Variants in ACVR1B observed in about 807,000 individuals in gnomAD.
ACVR1B encodes activin A receptor type 1B.
Under a neutral mutation model 55.6 loss-of-function variants are expected in ACVR1B, and 15 were observed. The ratio of observed to expected loss-of-function variants is 0.27; its 90% CI spans 0.18 to 0.42. The LOEUF (loss-of-function observed/expected upper bound fraction) is 0.42, where lower values mean the gene tolerates loss of function less well. Among genes scored for constraint, ACVR1B ranks in the 10% least tolerant of loss-of-function variants. The probability of loss-of-function intolerance (pLI) is 1.00; values close to 1 mark genes in which losing one functional copy is unlikely to be tolerated. For missense variants in ACVR1B, 359 were observed against 670.1 expected, an observed-to-expected ratio of 0.54 and a Z score of 5.13; for synonymous variants, 247 against 254.6, an observed-to-expected ratio of 0.97 and a Z score of 0.28.
At chr12:51,985,134 T>C (rs538631382) in intron 5 of ACVR1B, 58 bp from the exon 6 acceptor site, 1 of 1,535,148 alleles carries the variant, frequency 6.5e-7, no homozygotes, top group Non-Finnish European at 8.8e-7. Context: ...CTGCATAGTC[T>C]ATGCTTTTAA....
intron 1 of ACVR1B, among the ~76,000 whole-genome samples, chr12:51,969,655 A>G (rs1257336061): frequency 6.6e-6 from 1 of 152,198 alleles, no homozygotes; most frequent in Non-Finnish European, 1.5e-5. Context: ...ACTTTGAAAG[A>G]CCCTAATAAA....
chr12:51,970,250 G>T (rs1941721519), intron 1 of ACVR1B, among the ~76,000 whole-genome samples: 1 of 152,184 alleles, frequency 6.6e-6, no homozygotes, highest in Non-Finnish European at 1.5e-5. Context: ...GAAAGAGCGT[G>T]GTAGAATGCT....
intron 6 of ACVR1B, among the ~76,000 whole-genome samples, chr12:51,986,551 C>T (rs929513129): frequency 1.2e-4 from 19 of 152,224 alleles, no homozygotes; most frequent in African/African-American, 3.9e-4. Flanking sequence ...TGAGCCACCG[C>T]ACCTGGCCAA....
rs749385229 is a variant in ACVR1B, at chr12:51,951,828, G to A, written c.85G>A (p.Val29Ile). ...CAGCGGCGGGTCCGGGCCCCGGGGG[G>A]TCCAGGGTGAGTCCTGGGACGGGGG... ...AGSGGSGPRG[V>I]QALLCACTSC... Residue 29 changes from valine to isoleucine, a missense_variant, in exon 1 of 9, where the codon GTC becomes ATC. By Grantham distance (29) the Val-to-Ile change is conservative (BLOSUM62 3). This residue lies in a region of ACVR1B where 48 missense variants were observed against 40.6 expected (regional missense o/e 1.18). Coordinates refer to ENST00000257963, the MANE Select transcript of ACVR1B (RefSeq NM_004302.5). The A allele has an allele frequency of 3.9e-6, 5 of 1,276,106 alleles. No homozygotes were observed. The highest frequency in any genetic ancestry group is 7.2e-5 in the South Asian group (2 of 27,758). The allele number at this position is 1,276,106 out of a possible 1,614,324, so 79.0% of individuals were successfully genotyped here. A position where few individuals can be genotyped will look rare whatever the true frequency, so the allele number is the denominator to read the frequency against.
intron 1 of ACVR1B, among the ~76,000 whole-genome samples, chr12:51,964,678 A>T (rs1442544967): frequency 2.0e-5 from 3 of 152,184 alleles, no homozygotes; most frequent in African/African-American, 7.2e-5. Context: ...ATTCTTTCGC[A>T]TGTGGTTATC....
intron 1 of ACVR1B, among the ~76,000 whole-genome samples, chr12:51,957,151 C>T (rs1022124139): frequency 1.3e-5 from 2 of 151,738 alleles, no homozygotes; most frequent in Admixed American, 6.6e-5. Flanking sequence ...CTGTATAGTA[C>T]GAGAGTGTAT....
intron 3 of ACVR1B, 54 bp downstream of exon 3, chr12:51,976,629 G>A: frequency 1.2e-6 from 2 of 1,601,478 alleles, no homozygotes; most frequent in South Asian, 1.1e-5. Context: ...CAGTTTCCCA[G>A]CAGGATAGAG....
chr12:51,977,494 G>A (rs1941884268), intron 3 of ACVR1B, among the ~76,000 whole-genome samples: 1 of 151,662 alleles, frequency 6.6e-6, no homozygotes, highest in Non-Finnish European at 1.5e-5. Context: ...ACAAGGTTTC[G>A]CCACATCAGT....
intron 7 of ACVR1B, among the ~76,000 whole-genome samples, chr12:51,988,151 A>T (rs1592261197): frequency 6.6e-6 from 1 of 152,310 alleles, no homozygotes; most frequent in East Asian, 1.9e-4. Flanking sequence ...TGTACCTCTT[A>T]AATTTTGATC....
rs181844867 is a variant in ACVR1B at position 51,965,990 on chromosome 12, G to A, written c.92-9275G>A. ...GAATCTGTGTAGCTAATGGTGTTGG[G>A]TTGAGGAGGGGAGTGTGGAGATAGA... is the stretch of plus-strand genomic sequence containing the variant. On this transcript the variant is annotated intron_variant, in intron 1 of 8. Coordinates refer to ENST00000257963, the MANE Select transcript of ACVR1B (RefSeq NM_004302.5). Among the ~76,000 whole-genome samples the A allele has an allele frequency of 2.4e-3, 361 of 152,224 alleles. 1 individual carries two copies. The highest frequency in any genetic ancestry group is 7.7e-3 in the African/African-American group (319 of 41,520).
chr12:51,966,100 A>G (rs756445609), intron 1 of ACVR1B, among the ~76,000 whole-genome samples: 1 of 152,204 alleles, frequency 6.6e-6, no homozygotes, highest in Non-Finnish European at 1.5e-5. Flanking sequence ...AATTAACATC[A>G]CAAAAAGAGA....
In ACVR1B at chr12:51,975,356, G is replaced by A. The variant is rs1440217674; in HGVS notation, c.183G>A (p.Gly61=). 3 of 1,614,202 alleles carry A rather than the reference G, an allele frequency of 1.9e-6. No homozygotes were observed. The highest frequency in any genetic ancestry group is 2.5e-6 in the Non-Finnish European group (3 of 1,180,040). The change falls in exon 2 of 9, where the codon GGG becomes GGA. Residue 61 remains glycine (G), a synonymous_variant. Coordinates refer to ENST00000257963, the MANE Select transcript of ACVR1B (RefSeq NM_004302.5). ...ACMVSIFNLD[G]MEHHVRTCIP... ...TGGTTTCCATTTTCAATCTGGATGG[G>A]ATGGAGCACCATGTGCGCACCTGCA...
At chr12:51,972,090 A>T (rs1458102017) in intron 1 of ACVR1B, among the ~76,000 whole-genome samples, 12 of 152,162 alleles carry the variant, frequency 7.9e-5, no homozygotes, top group Admixed American at 7.9e-4. Context: ...TTTATTGAAT[A>T]TCTACTAGTT....
At chr12:51,952,232 T>C (rs948632258) in intron 1 of ACVR1B, among the ~76,000 whole-genome samples, 3 of 151,958 alleles carry the variant, frequency 2.0e-5, no homozygotes, top group African/African-American at 7.3e-5. Flanking sequence ...CAGGTGCTCC[T>C]GGGGGGCGTC....
chr12:51,953,161 C>A (rs1430065213), intron 1 of ACVR1B, among the ~76,000 whole-genome samples: 1 of 152,136 alleles, frequency 6.6e-6, no homozygotes, highest in African/African-American at 2.4e-5. Flanking sequence ...TCAGCAGCCC[C>A]TAACCTTCCA....
chr12:51,970,603 A>G (rs2120551718), intron 1 of ACVR1B, among the ~76,000 whole-genome samples: 1 of 152,242 alleles, frequency 6.6e-6, no homozygotes, highest in Middle Eastern at 3.4e-3. Flanking sequence ...TCCGTACTGG[A>G]GAGGGTTGGG....
chr12:51,962,288 C>T (rs915643421), intron 1 of ACVR1B, among the ~76,000 whole-genome samples: 1 of 152,110 alleles, frequency 6.6e-6, no homozygotes, highest in Non-Finnish European at 1.5e-5. Flanking sequence ...CTCCCCACCC[C>T]CCACCATACA....
Position 51,984,067 on chromosome 12 carries a change from C to T in ACVR1B, c.880C>T (p.Leu294=), listed in dbSNP as rs1221896378. Residue 294 remains leucine, a synonymous_variant, in exon 5 of 9, where the codon CTG becomes TTG. Coordinates refer to ENST00000257963, the MANE Select transcript of ACVR1B (RefSeq NM_004302.5). ...TGAGCACGGGTCCCTGTTTGATTATCTGAACCGGTACACAGTGACAATTGA... is the reference window on the plus strand; with the variant it reads ...TGAGCACGGGTCCCTGTTTGATTATTTGAACCGGTACACAGTGACAATTGA... ...YHEHGSLFDY[L]NRYTVTIEGM... is the part of the protein sequence containing the mutation. 1 of 1,614,226 alleles carries T rather than the reference C, an allele frequency of 6.2e-7. No homozygotes were observed. Among genetic ancestry groups the T allele is most frequent in the Non-Finnish European group, 8.5e-7 (1 of 1,180,048 alleles).
chr12:51,994,413 C>T lies in ACVR1B; in HGVS notation c.*303C>T, dbSNP rs543738672. On this transcript the variant is annotated 3_prime_UTR_variant, in exon 9 of 9. Transcript: ENST00000257963. This position sits in a 1 kb window ranked among gnomAD's most constrained non-coding sequence, Gnocchi z 4.2. ...CCCGCGAAACCCGGTGCATCTGGCACGTGGCCAGGAGCCATGACAGGGGCG... is the reference window on the plus strand; with the variant it reads ...CCCGCGAAACCCGGTGCATCTGGCATGTGGCCAGGAGCCATGACAGGGGCG... The T allele has an allele frequency of 1.8e-5, 6 of 340,034 alleles. No individual in the cohort carries two copies. Among genetic ancestry groups the T allele is most frequent in the Admixed American group, 4.7e-5 (1 of 21,238 alleles). The allele number at this position is 340,034 out of a possible 1,614,324, so 21.1% of individuals were successfully genotyped here.
Sources: allele counts gnomAD v4.1 joint callset (sites outside exome capture counted in the v4.1 genomes callset), GRCh38; gene constraint gnomAD v4.1.1; regional missense constraint gnomAD v4.1.1; non-coding constraint Gnocchi (gnomAD v3.1); transcripts MANE v1.5; gene names NCBI Gene and HGNC (gene_info 2026-07-23, HGNC 2026-07-21).